Variants in LRRIQ1 observed in about 807,000 individuals in gnomAD.
LRRIQ1 encodes the protein leucine-rich repeat- and IQ domain-containing protein 1.
Under a neutral mutation model 211.9 loss-of-function variants are expected in LRRIQ1, and 210 were observed. The ratio of observed to expected loss-of-function variants is 0.99; its 90% CI spans 0.89 to 1.11. The LOEUF (loss-of-function observed/expected upper bound fraction) is 1.11, where lower values mean the gene tolerates loss of function less well. LRRIQ1 is among the 50% of genes most tolerant of loss of function. LRRIQ1 has a pLI of 0.00. For missense variants in LRRIQ1, 2,136 were observed against 1,939.5 expected (o/e 1.10, Z -1.90); for synonymous variants, 699 against 650.1 (o/e 1.08, Z -1.14).
chr12:85,157,775 G>C (rs540508918), intron 23 of LRRIQ1, among the ~76,000 whole-genome samples: 2 of 151,922 alleles, frequency 1.3e-5, no homozygotes, highest in African/African-American at 4.8e-5. Context: ...AATGGGGTCT[G>C]AGTATAGGGA....
intron 15 of LRRIQ1, among the ~76,000 whole-genome samples, chr12:85,113,303 GCTTGATCTGCAGTA>G (rs1887319236): frequency 6.6e-6 from 1 of 152,018 alleles, no homozygotes. Flanking sequence ...GAGTTTAACA[GCTTGATCTGCAGTA>G]CTGAATTGTG....
At chr12:85,239,963 G>A (rs1175765489) in intron 26 of LRRIQ1, among the ~76,000 whole-genome samples, 5 of 151,954 alleles carry the variant, frequency 3.3e-5, no homozygotes, top group African/African-American at 1.2e-4. Context: ...GGGCAACAGA[G>A]CAAGACCCTG....
chr12:85,158,969 G>T (rs1201834951), intron 23 of LRRIQ1, among the ~76,000 whole-genome samples: 1 of 151,494 alleles, frequency 6.6e-6, no homozygotes, highest in African/African-American at 2.4e-5. Context: ...AAAATCAAGT[G>T]ATTTTTTTTC....
chr12:85,110,537 G>A (rs1030692198), intron 15 of LRRIQ1, among the ~76,000 whole-genome samples: 4 of 152,000 alleles, frequency 2.6e-5, no homozygotes, highest in African/African-American at 7.2e-5. Context: ...CAAAATCTAC[G>A]CTTGTAACTC....
intron 16 of LRRIQ1, among the ~76,000 whole-genome samples, chr12:85,122,970 A>C (rs541646464): frequency 1.3e-5 from 2 of 152,040 alleles, no homozygotes; most frequent in Non-Finnish European, 2.9e-5. Context: ...TTGAAAATGG[A>C]AAGACTATAG....
intron 24 of LRRIQ1, among the ~76,000 whole-genome samples, chr12:85,190,744 G>A (rs1892472060): frequency 6.6e-6 from 1 of 151,750 alleles, no homozygotes; most frequent in Non-Finnish European, 1.5e-5. Flanking sequence ...GGGCCTCTCG[G>A]AATTTTTGTG....
intron 11 of LRRIQ1, among the ~76,000 whole-genome samples, chr12:85,087,696 G>C (rs1341853491): frequency 6.6e-6 from 1 of 152,192 alleles, no homozygotes; most frequent in Non-Finnish European, 1.5e-5. Context: ...GATGATCAGT[G>C]ATGATGAGCA....
Position 85,047,489 on chromosome 12 carries a change from T to G in LRRIQ1, c.678+19T>G. The G allele has an allele frequency of 1.3e-6, 2 of 1,594,652 alleles. No homozygotes were observed. Among genetic ancestry groups the G allele is most frequent in the Non-Finnish European group, 1.7e-6 (2 of 1,167,454 alleles). ...TCAGAAGGTATTTTGCTTTTGTTTT[T>G]CATGTATTTTTAAAATCAGTAGCTA... On this transcript the variant is annotated intron_variant, in intron 6 of 26. Coordinates refer to ENST00000393217, the MANE Select transcript of LRRIQ1 (RefSeq NM_001079910.2).
intron 15 of LRRIQ1, among the ~76,000 whole-genome samples, chr12:85,119,524 C>T (rs932672695): frequency 6.6e-6 from 1 of 151,966 alleles, no homozygotes; most frequent in African/African-American, 2.4e-5. Context: ...GAATAAATGC[C>T]AAGGAGTATT....
chr12:85,088,817 T>C lies in LRRIQ1; in HGVS notation c.2888-9538T>C, dbSNP rs1015705004. 1.9e-4 allele frequency among the ~76,000 whole-genome samples: 29 copies of C among 152,234 alleles called. 1 individual carries two copies. Among genetic ancestry groups the C allele is most frequent in the Non-Finnish European group, 4.4e-5 (3 of 68,044 alleles). The stretch of plus-strand genomic sequence containing the variant: ...TATCCTGAGACTTTGCTGAAGTTGC[T>C]TATCAGCTTAAGGAGATTTTGGGCT... On this transcript the variant is annotated intron_variant, in intron 11 of 26. Coordinates refer to ENST00000393217, the MANE Select transcript of LRRIQ1 (RefSeq NM_001079910.2).
intron 24 of LRRIQ1, among the ~76,000 whole-genome samples, chr12:85,173,254 C>A (rs1429116246): frequency 2.0e-5 from 3 of 151,756 alleles, no homozygotes; most frequent in African/African-American, 7.3e-5. Flanking sequence ...TTGAGAATAC[C>A]AGGCTTATTT....
Position 85,047,306 on chromosome 12 carries a change from G to C in LRRIQ1, c.514G>C (p.Glu172Gln). The C allele has an allele frequency of 6.2e-7, 1 of 1,612,260 alleles. No individual in the cohort carries two copies. The highest frequency in any genetic ancestry group is 8.5e-7 in the Non-Finnish European group (1 of 1,179,434). The change falls in exon 6 of 27, where the codon GAG becomes CAG. Residue 172 changes from glutamate to glutamine, a missense_variant. Physicochemically the swap from Glu to Gln is conservative, Grantham distance 29. Coordinates refer to ENST00000393217, the MANE Select transcript of LRRIQ1 (RefSeq NM_001079910.2). ...EVEEKCRQSF[E>Q]AWQEKQKELE... ...GGAAGAAAAATGTAGACAGTCTTTT[G>C]AGGCTTGGCAAGAGAAACAGAAGGA...
chr12:85,158,429 C>CA (rs1399371435), intron 23 of LRRIQ1, among the ~76,000 whole-genome samples: 2 of 150,918 alleles, frequency 1.3e-5, no homozygotes, highest in Non-Finnish European at 3.0e-5. Flanking sequence ...TTTACACCTG[C>CA]AAAAAATGGG....
intron 11 of LRRIQ1, among the ~76,000 whole-genome samples, chr12:85,082,511 A>G (rs1884405709): frequency 6.6e-6 from 1 of 152,112 alleles, no homozygotes; most frequent in African/African-American, 2.4e-5. Flanking sequence ...TCCTTCTGAA[A>G]CATTATGTAT....
At chr12:85,160,876 G>A (rs1188208958) in intron 24 of LRRIQ1, among the ~76,000 whole-genome samples, 162 bp downstream of exon 24, 1 of 151,934 alleles carries the variant, frequency 6.6e-6, no homozygotes, top group African/African-American at 2.4e-5. Flanking sequence ...TAAAGCTGAA[G>A]TGCTAATTTA....
intron 24 of LRRIQ1, among the ~76,000 whole-genome samples, chr12:85,190,540 A>G (rs1174448046): frequency 6.7e-6 from 1 of 149,084 alleles, no homozygotes; most frequent in Non-Finnish European, 1.5e-5. Context: ...ATAATAGTAT[A>G]TATTAATAAT....
intron 26 of LRRIQ1, among the ~76,000 whole-genome samples, chr12:85,238,260 G>T (rs561594069): frequency 6.6e-6 from 1 of 152,088 alleles, no homozygotes; most frequent in African/African-American, 2.4e-5. Context: ...AAGCTTGAGT[G>T]CTCTGTCAGA....
chr12:85,247,923 C>G, downstream of LRRIQ1, among the ~76,000 whole-genome samples: 1 of 151,500 alleles, frequency 6.6e-6, no homozygotes. Context: ...ACAAAGAGGC[C>G]AAAGCAGTCT....
intron 7 of LRRIQ1, among the ~76,000 whole-genome samples, chr12:85,052,698 A>G (rs1880479563): frequency 6.6e-6 from 1 of 152,110 alleles, no homozygotes; most frequent in Non-Finnish European, 1.5e-5. Context: ...AGATATCTCC[A>G]TAATCCTGTT....
Sources: allele counts gnomAD v4.1 joint callset (sites outside exome capture counted in the v4.1 genomes callset), GRCh38; gene constraint gnomAD v4.1.1; transcripts MANE v1.5; gene names NCBI Gene and HGNC (gene_info 2026-07-23, HGNC 2026-07-21).